The following USP47 variants were observed in gnomAD, a reference collection of about 807,000 sequenced individuals.
USP47 encodes the protein ubiquitin specific peptidase 47.
In USP47, 35 loss-of-function variants were observed where a neutral mutation model predicts 165.1. That is an observed-to-expected ratio of 0.21 (90% CI 0.16 to 0.28). The LOEUF is 0.28. Ranked by LOEUF, USP47 falls within the 10% of genes least tolerant of loss-of-function variation. The pLI, the probability that USP47 is intolerant of heterozygous loss-of-function variation, is 1.00. For missense variants in USP47, 1,277 were observed against 1,607.4 expected (o/e 0.79, Z 3.52); for synonymous variants, 531 against 544.5 (o/e 0.98, Z 0.35).
At chr11:11,886,727 TCA>T (rs1851187882) in intron 3 of USP47, among the ~76,000 whole-genome samples, 1 of 152,070 alleles carries the variant, frequency 6.6e-6, no homozygotes, top group Middle Eastern at 3.2e-3. Flanking sequence ...ACATTCAAAT[TCA>T]GGAAATGCAG....
At position 11,891,957 on chromosome 11, in the gene USP47, T is replaced by C. The variant is rs1258951594; in HGVS notation, c.358-11T>C. 6.2e-7 allele frequency: 1 copy of C among 1,608,382 alleles called. No homozygotes were observed. The highest frequency in any genetic ancestry group is 8.5e-7 in the Non-Finnish European group (1 of 1,178,044). On this transcript the variant is annotated splice_polypyrimidine_tract_variant and intron_variant, in intron 3 of 27. Coordinates refer to ENST00000527733, the MANE Select transcript of USP47 (RefSeq NM_001282659.2). Reference sequence around the variant, plus strand: ...GCTATTTACTAACTATTTGAATATGTTGCATTTTAGGAGGATTCCAGTGCT... The same window carrying C: ...GCTATTTACTAACTATTTGAATATGCTGCATTTTAGGAGGATTCCAGTGCT...
At chr11:11,868,447 T>C (rs531447709) in intron 1 of USP47, among the ~76,000 whole-genome samples, 1 of 152,318 alleles carries the variant, frequency 6.6e-6, no homozygotes, top group East Asian at 1.9e-4. Flanking sequence ...GGAAGTTTTT[T>C]CAGGTTGTTA....
At chr11:11,954,831 G>C in intron 25 of USP47, 66 bp from the exon 26 acceptor site, 1 of 1,558,170 alleles carries the variant, frequency 6.4e-7, no homozygotes, top group Middle Eastern at 1.9e-4. Context: ...TGGGGTAAAA[G>C]GAAAATAACT....
At chr11:11,949,320 TCTGTTATAACATGTTATAGCATC>T (rs560326704) in intron 22 of USP47, among the ~76,000 whole-genome samples, 6 of 152,282 alleles carry the variant, frequency 3.9e-5, no homozygotes, top group African/African-American at 1.2e-4. Context: ...GTTATAACAT[TCTGTTATAACATGTTATAGCATC>T]CTGTTGAAGA....
chr11:11,909,280 A>C (rs1852792631), intron 8 of USP47, among the ~76,000 whole-genome samples: 1 of 152,188 alleles, frequency 6.6e-6, no homozygotes, highest in African/African-American at 2.4e-5. Context: ...AGTAATCTTT[A>C]AATAATTTTG....
chr11:11,866,382 A>G (rs912847483), intron 1 of USP47, among the ~76,000 whole-genome samples: 7 of 152,236 alleles, frequency 4.6e-5, no homozygotes, highest in Non-Finnish European at 1.0e-4. Context: ...CCCATGAACA[A>G]TCTGTTTCAT....
chr11:11,889,963 A>G (rs1455431191), intron 3 of USP47, among the ~76,000 whole-genome samples: 3 of 152,320 alleles, frequency 2.0e-5, no homozygotes, highest in African/African-American at 7.2e-5. Flanking sequence ...AGGATTCTCT[A>G]TTTAATAAAT....
At chr11:11,865,957 A>G (rs1849655098) in intron 1 of USP47, among the ~76,000 whole-genome samples, 1 of 152,034 alleles carries the variant, frequency 6.6e-6, no homozygotes, top group Non-Finnish European at 1.5e-5. Flanking sequence ...ATTTTCTCCC[A>G]TTCTGAGTTG....
intron 1 of USP47, among the ~76,000 whole-genome samples, chr11:11,876,749 A>G (rs1218198438): frequency 2.0e-5 from 3 of 152,160 alleles, no homozygotes; most frequent in African/African-American, 7.2e-5. Flanking sequence ...GGGTAACTGG[A>G]TTTCTTACAT....
rs74439109 is a variant in USP47, at chr11:11,929,900, A to T, written c.1519-144A>T. On this transcript the variant is annotated intron_variant, in intron 12 of 27. Coordinates refer to ENST00000527733, the MANE Select transcript of USP47 (RefSeq NM_001282659.2). ...TGGTAAGCAGCCACTGATTATGATT[A>T]AATTTTGTGAATTGGTAGCTGTGTG... 4 of 711,232 alleles carry T rather than the reference A, an allele frequency of 5.6e-6. No individual in the cohort carries two copies. The East Asian group carries it at 1.1e-4, about 19-fold the overall frequency. The allele number at this position is 711,232 out of a possible 1,614,324, so 44.1% of individuals were successfully genotyped here. A position where few individuals can be genotyped will look rare whatever the true frequency, so the allele number is the denominator to read the frequency against.
At chr11:11,850,092 T>C (rs1240434691) in intron 1 of USP47, among the ~76,000 whole-genome samples, 1 of 152,116 alleles carries the variant, frequency 6.6e-6, no homozygotes, top group Non-Finnish European at 1.5e-5. Context: ...TATTATGTAG[T>C]TATATGTCTG....
At chr11:11,943,796 C>G (rs1855643199) in intron 20 of USP47, 1 of 152,036 alleles carries the variant, frequency 6.6e-6, no homozygotes, top group Admixed American at 6.6e-5. Context: ...GCAAGGCAAC[C>G]AGGTTTAAGA....
At chr11:11,871,580 T>A (rs1421895760) in intron 1 of USP47, among the ~76,000 whole-genome samples, 1 of 150,776 alleles carries the variant, frequency 6.6e-6, no homozygotes, top group Non-Finnish European at 1.5e-5. Context: ...CCAGGGATTC[T>A]TTTCCTGTGG....
intron 7 of USP47, among the ~76,000 whole-genome samples, chr11:11,904,247 G>A (rs989451889): frequency 1.3e-5 from 2 of 152,142 alleles, no homozygotes; most frequent in South Asian, 2.1e-4. Flanking sequence ...TCAAAAGGCC[G>A]TCCTAGGTGA....
intron 3 of USP47, among the ~76,000 whole-genome samples, chr11:11,887,568 C>G (rs1225103836): frequency 1.3e-5 from 2 of 152,196 alleles, no homozygotes; most frequent in East Asian, 3.9e-4. Context: ...CACCCAGATT[C>G]ATAAAGCAAG....
chr11:11,922,901 A>G lies in USP47; in HGVS notation c.1386+10A>G, dbSNP rs759644155. The G allele has an allele frequency of 1.7e-5, 27 of 1,606,254 alleles. No individual in the cohort carries two copies. The highest frequency in any genetic ancestry group is 2.3e-5 in the Non-Finnish European group (27 of 1,176,212). ...ATCTGGACTTGAAAAGGTACCTTTT[A>G]TAGTTTGCATTTTTTAGTTGAAAGT... On this transcript the variant is annotated intron_variant, in intron 11 of 27. Coordinates refer to ENST00000527733, the MANE Select transcript of USP47 (RefSeq NM_001282659.2).
At chr11:11,953,390 G>T (rs1162406820) in intron 25 of USP47, among the ~76,000 whole-genome samples, 1 of 151,968 alleles carries the variant, frequency 6.6e-6, no homozygotes, top group Admixed American at 6.6e-5. Context: ...AATTCTAAAT[G>T]TATTAAGTTT....
chr11:11,885,881 A>G (rs574028219), intron 3 of USP47, among the ~76,000 whole-genome samples: 1 of 152,272 alleles, frequency 6.6e-6, no homozygotes, highest in South Asian at 2.1e-4. Context: ...TTTCCAGAGG[A>G]AGGAGCAGGC....
At chr11:11,935,135 A>G (rs892699765) in intron 16 of USP47, among the ~76,000 whole-genome samples, 1 of 152,122 alleles carries the variant, frequency 6.6e-6, no homozygotes, top group African/African-American at 2.4e-5. Context: ...AGAATCACTT[A>G]TATTATACAT....
Sources: allele counts gnomAD v4.1 joint callset (sites outside exome capture counted in the v4.1 genomes callset), GRCh38; gene constraint gnomAD v4.1.1; transcripts MANE v1.5; gene names NCBI Gene and HGNC (gene_info 2026-07-23, HGNC 2026-07-21).